FAM78B: variants seen among roughly 807,000 people sequenced by gnomAD.
FAM78B encodes the protein protein FAM78B.
Under a neutral mutation model 20.0 loss-of-function variants are expected in FAM78B, and 10 were observed. The ratio of observed to expected loss-of-function variants is 0.50; its 90% CI spans 0.31 to 0.85. The LOEUF is 0.85. FAM78B is among the 40% of genes least tolerant of loss of function. The probability of loss-of-function intolerance (pLI) is 0.05; values close to 1 mark genes in which losing one functional copy is unlikely to be tolerated. For missense variants in FAM78B, 283 were observed against 345.0 expected (o/e 0.82, Z 1.42); for synonymous variants, 135 against 132.8 (o/e 1.02, Z -0.12).
intron 1 of FAM78B, among the ~76,000 whole-genome samples, chr1:166,117,009 A>G (rs1257733106): frequency 6.6e-6 from 1 of 152,204 alleles, no homozygotes; most frequent in African/African-American, 2.4e-5. Context: ...TTAAAGTAAT[A>G]AATGAAACCT....
intron 1 of FAM78B, among the ~76,000 whole-genome samples, chr1:166,101,076 A>G (rs1015863638): frequency 3.9e-5 from 6 of 152,240 alleles, no homozygotes; most frequent in Admixed American, 1.3e-4. Flanking sequence ...ATACCCAGGC[A>G]AACAGGGTCT....
At chr1:166,146,738 G>A (rs1216433447) in intron 1 of FAM78B, among the ~76,000 whole-genome samples, 1 of 152,198 alleles carries the variant, frequency 6.6e-6, no homozygotes, top group Non-Finnish European at 1.5e-5. Context: ...ACAAATCATA[G>A]ATAATGAGTC....
At chr1:166,103,895 A>T (rs1447601632) in intron 1 of FAM78B, among the ~76,000 whole-genome samples, 1 of 152,204 alleles carries the variant, frequency 6.6e-6, no homozygotes, top group Non-Finnish European at 1.5e-5. Context: ...GCAGAGACAC[A>T]AAAATAAAAG....
chr1:166,109,765 C>T (rs1399735857), intron 1 of FAM78B, among the ~76,000 whole-genome samples: 2 of 137,508 alleles, frequency 1.5e-5, no homozygotes, highest in Non-Finnish European at 3.1e-5. Flanking sequence ...AACCCAAATG[C>T]CCATCAATCA....
At chr1:166,091,435 G>A (rs1447842153) in intron 1 of FAM78B, among the ~76,000 whole-genome samples, 2 of 152,140 alleles carry the variant, frequency 1.3e-5, no homozygotes, top group Admixed American at 6.5e-5. Context: ...AAAAGGGGGA[G>A]TTCCCCTGCA....
intron 1 of FAM78B, among the ~76,000 whole-genome samples, chr1:166,071,970 G>T (rs1165635599): frequency 2.6e-5 from 4 of 152,190 alleles, no homozygotes; most frequent in African/African-American, 9.7e-5. Context: ...GTTGATGCAT[G>T]CTCCATATTT....
intron 1 of FAM78B, among the ~76,000 whole-genome samples, chr1:166,097,346 G>A (rs1324646375): frequency 1.3e-5 from 2 of 152,198 alleles, no homozygotes; most frequent in Non-Finnish European, 2.9e-5. Context: ...TGAATAGGGC[G>A]AGAAGCCTCC....
chr1:166,129,112 C>A (rs2101776459), intron 1 of FAM78B, among the ~76,000 whole-genome samples: 1 of 152,304 alleles, frequency 6.6e-6, no homozygotes, highest in Admixed American at 6.5e-5. Context: ...GCTTCTCTGT[C>A]TGGGTGTGTG....
chr1:166,111,195 G>A (rs185123134), intron 1 of FAM78B, among the ~76,000 whole-genome samples: 8 of 152,322 alleles, frequency 5.3e-5, no homozygotes, highest in African/African-American at 1.7e-4. Context: ...TGATGTCCAG[G>A]TGGCTAGGAT....
intron 1 of FAM78B, among the ~76,000 whole-genome samples, chr1:166,072,427 T>A (rs1652086217): frequency 6.6e-6 from 1 of 152,236 alleles, no homozygotes; most frequent in Admixed American, 6.5e-5. Flanking sequence ...ATTGACCTGA[T>A]GCAGAAAGTC....
chr1:166,102,233 G>A (rs923285220), intron 1 of FAM78B, among the ~76,000 whole-genome samples: 13 of 152,188 alleles, frequency 8.5e-5, no homozygotes, highest in East Asian at 3.9e-4. Flanking sequence ...AGGAACAACC[G>A]GTAACAGCCA....
At chr1:166,136,938 G>A (rs1241584457) in intron 1 of FAM78B, among the ~76,000 whole-genome samples, 1 of 152,212 alleles carries the variant, frequency 6.6e-6, no homozygotes, top group Non-Finnish European at 1.5e-5. Flanking sequence ...GCACTCGTAT[G>A]GCTCATAACT....
chr1:166,148,544 G>A lies in FAM78B; in HGVS notation c.263+17442C>T, dbSNP rs185057263. 2.6e-3 allele frequency among the ~76,000 whole-genome samples: 394 copies of A among 152,346 alleles called. 1 individual carries two copies. The highest frequency in any genetic ancestry group is 4.8e-3 in the Non-Finnish European group (326 of 68,034). On this transcript the variant is annotated intron_variant, in intron 1 of 1. Coordinates refer to ENST00000354422, the MANE Select transcript of FAM78B (RefSeq NM_001017961.5). ...TAAATGAGATATCATTTGTGTAAAC[G>A]CCTAGCACCTCATGTTCATCTGTGC...
intron 1 of FAM78B, among the ~76,000 whole-genome samples, chr1:166,143,509 G>A (rs148031570): frequency 0.019 from 2,885 of 152,284 alleles, 32 homozygotes; most frequent in Non-Finnish European, 0.028. Flanking sequence ...GCTAAGGCGT[G>A]TAAATTTCAT....
At chr1:166,058,967 A>C (rs767830603) in exon 3 of FAM78B, 1 of 152,566 alleles carries the variant, frequency 6.6e-6, no homozygotes, top group Non-Finnish European at 1.5e-5. Flanking sequence ...TTAACAGTAG[A>C]TCCTCATTCA....
downstream of FAM78B, among the ~76,000 whole-genome samples, chr1:166,066,304 G>A (rs1247684054): frequency 1.8e-4 from 28 of 152,182 alleles, no homozygotes; most frequent in Non-Finnish European, 2.9e-5. Flanking sequence ...ATTATATTCT[G>A]GGATAACCTC....
At position 166,166,839 on chromosome 1, in the gene FAM78B, C is replaced by G. The variant is rs1656422319; in HGVS notation, c.-591G>C. ...AGGCAGCAGCGGCGGCGGCGGCGACCGGAGCTCCCGCCGGCCCCGCCCCGT... is the reference window on the plus strand; with the variant it reads ...AGGCAGCAGCGGCGGCGGCGGCGACGGGAGCTCCCGCCGGCCCCGCCCCGT... On this transcript the variant is annotated 5_prime_UTR_variant, in exon 1 of 2. Transcript: ENST00000354422. 2 of 150,876 alleles carry G rather than the reference C, an allele frequency of 1.3e-5. No homozygotes were observed. Among genetic ancestry groups the G allele is most frequent in the Admixed American group, 6.6e-5 (1 of 15,096 alleles). The allele number at this position is 150,876 out of a possible 1,614,324, so 9.3% of individuals were successfully genotyped here. A position where few individuals can be genotyped will look rare whatever the true frequency, so the allele number is the denominator to read the frequency against.
chr1:166,144,094 G>A (rs1655374220), intron 1 of FAM78B, among the ~76,000 whole-genome samples: 1 of 152,186 alleles, frequency 6.6e-6, no homozygotes. Flanking sequence ...AGAACTCCTG[G>A]GCCCAAATTA....
chr1:166,084,644 G>C lies in FAM78B; in HGVS notation c.264-13881C>G, dbSNP rs1652736538. On this transcript the variant is annotated intron_variant, in intron 1 of 1. Transcript: ENST00000354422. ...AGGCTGTAAGGCTCCCAGGGATTCA[G>C]AGTGGCTTCCCTGCACCTGGGTCCA... Among the ~76,000 whole-genome samples the C allele has an allele frequency of 2.0e-5, 3 of 152,234 alleles. No individual in the cohort carries two copies. The South Asian group carries it at 6.2e-4, about 32-fold the overall frequency.
Sources: allele counts gnomAD v4.1 joint callset (sites outside exome capture counted in the v4.1 genomes callset), GRCh38; gene constraint gnomAD v4.1.1; transcripts MANE v1.5; gene names NCBI Gene and HGNC (gene_info 2026-07-23, HGNC 2026-07-21).